ARHGAP12: variants seen among roughly 807,000 people sequenced by gnomAD.
ARHGAP12 encodes the protein rho GTPase-activating protein 12.
Under a neutral mutation model 108.6 loss-of-function variants are expected in ARHGAP12, and 64 were observed. The observed-to-expected ratio is 0.59, with a 90% CI of 0.48 to 0.73. The LOEUF is 0.73. ARHGAP12 is among the 30% of genes least tolerant of loss of function. The pLI is 0.00. For missense variants in ARHGAP12, 940 were observed against 1,005.9 expected, an observed-to-expected ratio of 0.93 and a Z score of 0.89; for synonymous variants, 312 against 337.2, an observed-to-expected ratio of 0.93 and a Z score of 0.82.
chr10:31,826,288 G>C lies in ARHGAP12; in HGVS notation c.1530+16C>G. The C allele has an allele frequency of 2.5e-6, 4 of 1,587,202 alleles. No homozygotes were observed. In the South Asian group the frequency reaches 3.4e-5, roughly 14 times the overall value. ...AATTTAAATGTATAAAATCTCCAAAGAGAAGAAATACTTACCCAACTTGTG... is the reference window on the plus strand; with the variant it reads ...AATTTAAATGTATAAAATCTCCAAACAGAAGAAATACTTACCCAACTTGTG... On this transcript the variant is annotated intron_variant, in intron 11 of 19. Coordinates refer to ENST00000344936, the MANE Select transcript of ARHGAP12 (RefSeq NM_018287.7).
At chr10:31,851,610 T>C (rs915018721) in intron 6 of ARHGAP12, among the ~76,000 whole-genome samples, 3 of 152,164 alleles carry the variant, frequency 2.0e-5, no homozygotes, top group Non-Finnish European at 2.9e-5. Flanking sequence ...ATCCTACCCA[T>C]ATCAAGCCTT....
chr10:31,807,858 A>G (rs768722787), intron 19 of ARHGAP12, 26 bp from the exon 20 acceptor site: 2 of 1,476,600 alleles, frequency 1.4e-6, no homozygotes, highest in Non-Finnish European at 9.0e-7. Flanking sequence ...GAAGTTGTTA[A>G]AAGAGAAAAT....
chr10:31,839,003 G>A (rs372614412), intron 9 of ARHGAP12, among the ~76,000 whole-genome samples: 2 of 152,006 alleles, frequency 1.3e-5, no homozygotes, highest in South Asian at 2.1e-4. Context: ...ACAACAGAGC[G>A]CAACCATGTC....
chr10:31,881,727 T>C (rs796620936), intron 3 of ARHGAP12, among the ~76,000 whole-genome samples: 6 of 152,286 alleles, frequency 3.9e-5, no homozygotes, highest in African/African-American at 7.2e-5. Flanking sequence ...ACTATCCATA[T>C]TGTCCCTACC....
intron 1 of ARHGAP12, among the ~76,000 whole-genome samples, chr10:31,926,042 C>T (rs930428952): frequency 1.3e-5 from 2 of 152,082 alleles, no homozygotes; most frequent in African/African-American, 2.4e-5. Context: ...CATTACATTT[C>T]TATTGGACAG....
chr10:31,857,228 G>A (rs1320186444), intron 4 of ARHGAP12, among the ~76,000 whole-genome samples: 2 of 152,076 alleles, frequency 1.3e-5, no homozygotes, highest in Non-Finnish European at 2.9e-5. Context: ...AATGATACAT[G>A]GCATATAATG....
rs1416750784 is a variant in ARHGAP12, at chr10:31,806,573, G to A, written c.*1085C>T. ...AATTCTGTAATAAATTTTTTCTAAT[G>A]TTTTCTGTACATATTAAATAACCCA... On this transcript the variant is annotated 3_prime_UTR_variant, in exon 20 of 20. Transcript: ENST00000344936. 6.6e-6 allele frequency: 1 copy of A among 152,474 alleles called. No homozygotes were observed. Among genetic ancestry groups the A allele is most frequent in the Non-Finnish European group, 1.5e-5 (1 of 67,974 alleles). 9.4% of individuals were successfully genotyped at this position (152,474 alleles called of 1,614,324 possible). A position where few individuals can be genotyped will look rare whatever the true frequency, so the allele number is the denominator to read the frequency against.
intron 1 of ARHGAP12, among the ~76,000 whole-genome samples, chr10:31,926,358 G>A (rs560483275): frequency 6.5e-4 from 98 of 151,494 alleles, no homozygotes; most frequent in Non-Finnish European, 1.1e-3. Flanking sequence ...AAACCACAAG[G>A]ATAGTGGCCC....
At chr10:31,882,080 A>G (rs1222623227) in intron 3 of ARHGAP12, among the ~76,000 whole-genome samples, 1 of 151,892 alleles carries the variant, frequency 6.6e-6, no homozygotes, top group Non-Finnish European at 1.5e-5. Flanking sequence ...ACGCCCGGCT[A>G]ATTTTTTGTA....
intron 9 of ARHGAP12, among the ~76,000 whole-genome samples, chr10:31,838,405 G>C (rs919238003): frequency 3.3e-5 from 5 of 152,132 alleles, no homozygotes; most frequent in East Asian, 1.9e-4. Context: ...AAACAGGCTG[G>C]GTGTGGTAGC....
intron 6 of ARHGAP12, among the ~76,000 whole-genome samples, chr10:31,846,419 CTTAGT>C (rs538622957): frequency 4.6e-5 from 7 of 152,276 alleles, no homozygotes; most frequent in Admixed American, 3.9e-4. Flanking sequence ...GGATAAATCT[CTTAGT>C]TTAGTTTCAT....
intron 3 of ARHGAP12, among the ~76,000 whole-genome samples, chr10:31,901,471 T>G (rs191290667): frequency 6.9e-6 from 1 of 143,926 alleles, no homozygotes; most frequent in Admixed American, 7.2e-5. Flanking sequence ...AGTGGAAGGT[T>G]GCAGTGAGGC....
At chr10:31,822,554 C>T (rs996150016) in intron 11 of ARHGAP12, among the ~76,000 whole-genome samples, 2 of 152,176 alleles carry the variant, frequency 1.3e-5, no homozygotes, top group African/African-American at 4.8e-5. Context: ...ATGATTATTA[C>T]ATAAATTTAT....
At chr10:31,813,755 T>C (rs1054114146) in intron 14 of ARHGAP12, among the ~76,000 whole-genome samples, 3 of 152,224 alleles carry the variant, frequency 2.0e-5, no homozygotes, top group Non-Finnish European at 4.4e-5. Context: ...TTCTTAAAGC[T>C]GCTGGCTTTT....
intron 9 of ARHGAP12, among the ~76,000 whole-genome samples, chr10:31,838,186 A>G (rs1836097954): frequency 6.6e-6 from 1 of 152,182 alleles, no homozygotes; most frequent in African/African-American, 2.4e-5. Flanking sequence ...GTCGGGGAGA[A>G]TGTTTCAGCA....
intron 9 of ARHGAP12, among the ~76,000 whole-genome samples, chr10:31,834,605 G>C (rs1184241020): frequency 1.3e-5 from 2 of 152,122 alleles, no homozygotes; most frequent in Non-Finnish European, 2.9e-5. Context: ...GTACAATTGT[G>C]TATTTTTTAT....
chr10:31,908,395 T>C lies in ARHGAP12; in HGVS notation c.461A>G (p.His154Arg). Residue 154 changes from histidine to arginine, a missense_variant, in exon 3 of 20, where the codon CAT (histidine) becomes CGT (arginine). Coordinates refer to ENST00000344936, the MANE Select transcript of ARHGAP12 (RefSeq NM_018287.7). ...QTVNLSLDLT[H>R]NNGKFNNDSH... ...GTCATTGTTAAACTTTCCGTTATTA[T>C]GGGTCAGGTCCAGGCTTAGGTTGAC... 6.2e-7 allele frequency: 1 copy of C among 1,614,216 alleles called. No homozygotes were observed. The highest frequency in any genetic ancestry group is 1.1e-5 in the South Asian group (1 of 91,084).
At chr10:31,885,491 T>G (rs1838157045) in intron 3 of ARHGAP12, among the ~76,000 whole-genome samples, 1 of 152,096 alleles carries the variant, frequency 6.6e-6, no homozygotes, top group African/African-American at 2.4e-5. Context: ...CCAACAACTT[T>G]TAAGTTACTG....
intron 1 of ARHGAP12, among the ~76,000 whole-genome samples, chr10:31,918,073 A>G (rs1359796042): frequency 6.6e-6 from 1 of 151,904 alleles, no homozygotes. Flanking sequence ...TTCCTGTCTC[A>G]GCCTCCTGAG....
Sources: allele counts gnomAD v4.1 joint callset (sites outside exome capture counted in the v4.1 genomes callset), GRCh38; gene constraint gnomAD v4.1.1; transcripts MANE v1.5; gene names NCBI Gene and HGNC (gene_info 2026-07-23, HGNC 2026-07-21).